Variants in SLC25A26 observed in about 807,000 individuals in gnomAD.
SLC25A26 encodes mitochondrial S-adenosylmethionine carrier protein.
In SLC25A26, 36 loss-of-function variants were observed where a neutral mutation model predicts 37.8. The observed-to-expected ratio is 0.95, with a 90% CI of 0.73 to 1.26. The LOEUF (loss-of-function observed/expected upper bound fraction) is 1.26, where lower values mean the gene tolerates loss of function less well. Among genes scored for constraint, SLC25A26 ranks in the 50% most tolerant of loss-of-function variants. The probability of loss-of-function intolerance (pLI) is 0.00; values close to 1 mark genes in which losing one functional copy is unlikely to be tolerated. For missense variants in SLC25A26, 390 were observed against 331.1 expected, an observed-to-expected ratio of 1.18 and a Z score of -1.38; for synonymous variants, 129 against 122.5, an observed-to-expected ratio of 1.05 and a Z score of -0.35.
chr3:66,262,553 CT>C (rs1389991014), intron 4 of SLC25A26, among the ~76,000 whole-genome samples: 1 of 152,158 alleles, frequency 6.6e-6, no homozygotes, highest in Non-Finnish European at 1.5e-5. Context: ...CAAAATGTAG[CT>C]TCTTTTACAG....
chr3:66,181,857 C>T (rs925264076), intron 1 of SLC25A26, among the ~76,000 whole-genome samples: 4 of 148,634 alleles, frequency 2.7e-5, no homozygotes, highest in African/African-American at 1.0e-4. Flanking sequence ...TCTTCTTTCC[C>T]TGGACCTGCG....
intron 1 of SLC25A26, 155 bp downstream of exon 1, chr3:66,221,282 G>A (rs1007838384): frequency 2.9e-6 from 1 of 348,404 alleles, no homozygotes; most frequent in African/African-American, 2.2e-5. Flanking sequence ...GAGGCTCCCA[G>A]GCCACCGGCG....
intron 1 of SLC25A26, among the ~76,000 whole-genome samples, chr3:66,187,850 CCTTAT>C (rs2070860286): frequency 6.6e-6 from 1 of 151,742 alleles, no homozygotes; most frequent in African/African-American, 2.4e-5. Context: ...TAATATTAAC[CCTTAT>C]CTTGAGAATG....
At chr3:66,301,321 T>C (rs2075069760) in intron 5 of SLC25A26, among the ~76,000 whole-genome samples, 1 of 152,222 alleles carries the variant, frequency 6.6e-6, no homozygotes, top group African/African-American at 2.4e-5. Context: ...TTATACAGAC[T>C]TTTTAAGGAA....
intron 5 of SLC25A26, among the ~76,000 whole-genome samples, chr3:66,320,622 A>G (rs1280066178): frequency 2.0e-5 from 3 of 152,162 alleles, no homozygotes; most frequent in Non-Finnish European, 4.4e-5. Context: ...TTGCTCAGTC[A>G]TAAAGGAATT....
chr3:66,150,359 A>G (rs2070181208), intron 1 of SLC25A26, among the ~76,000 whole-genome samples: 1 of 150,490 alleles, frequency 6.6e-6, no homozygotes, highest in Non-Finnish European at 1.5e-5. Context: ...TTAGCTGGGC[A>G]TGCTGGTGGG....
At chr3:66,168,286 C>A (rs1223177066) in intron 1 of SLC25A26, among the ~76,000 whole-genome samples, 5 of 149,252 alleles carry the variant, frequency 3.4e-5, no homozygotes, top group Admixed American at 6.8e-5. Flanking sequence ...CTTCAGGGAA[C>A]CACTACTTTG....
intron 5 of SLC25A26, among the ~76,000 whole-genome samples, chr3:66,285,137 A>G (rs983164194): frequency 6.6e-6 from 1 of 152,208 alleles, no homozygotes; most frequent in African/African-American, 2.4e-5. Flanking sequence ...ATTATCTATT[A>G]AACAATCCAT....
chr3:66,169,685 G>A (rs893692584), intron 1 of SLC25A26, among the ~76,000 whole-genome samples: 9 of 152,110 alleles, frequency 5.9e-5, no homozygotes, highest in African/African-American at 1.2e-4. Context: ...CTAGGCACTC[G>A]ATAAATATTT....
intron 1 of SLC25A26, among the ~76,000 whole-genome samples, chr3:66,233,196 T>C (rs36164086): frequency 0.82 from 124,813 of 152,224 alleles, 52,118 homozygotes; most frequent in Middle Eastern, 0.92. Flanking sequence ...AAAAGTTTTA[T>C]AGCATGTAAT....
At chr3:66,304,316 A>G (rs1048609677) in intron 5 of SLC25A26, 1 of 406,602 alleles carries the variant, frequency 2.5e-6, no homozygotes, top group Non-Finnish European at 4.9e-6. Context: ...GCCTCCCACA[A>G]TGCCTCTTGA....
intron 1 of SLC25A26, among the ~76,000 whole-genome samples, chr3:66,178,119 ATAG>A (rs1172729568): frequency 2.6e-5 from 4 of 152,188 alleles, no homozygotes; most frequent in African/African-American, 9.7e-5. Context: ...ACTACTCCAT[ATAG>A]TCAAGTCAGA....
intron 3 of SLC25A26, among the ~76,000 whole-genome samples, chr3:66,247,032 T>G (rs913025935): frequency 1.3e-5 from 2 of 151,856 alleles, no homozygotes; most frequent in East Asian, 3.9e-4. Context: ...CGGCTAATTT[T>G]TTTTTGTATT....
At chr3:66,196,622 GC>G (rs1304055953) in intron 1 of SLC25A26, among the ~76,000 whole-genome samples, 28 of 152,092 alleles carry the variant, frequency 1.8e-4, no homozygotes, top group African/African-American at 5.3e-4. Flanking sequence ...TTTAACTATA[GC>G]CTTAAAATAG....
chr3:66,188,296 A>G (rs975147735), intron 1 of SLC25A26, among the ~76,000 whole-genome samples: 1 of 152,204 alleles, frequency 6.6e-6, no homozygotes, highest in East Asian at 1.9e-4. Context: ...TCTGACTACA[A>G]TGATTTGAAA....
At chr3:66,233,696 T>C (rs1386273918) in intron 1 of SLC25A26, among the ~76,000 whole-genome samples, 1 of 152,174 alleles carries the variant, frequency 6.6e-6, no homozygotes, top group Non-Finnish European at 1.5e-5. Context: ...CTGTTAGCTG[T>C]TTTTCTTTTT....
intron 6 of SLC25A26, chr3:66,356,077 C>T: frequency 2.2e-6 from 1 of 456,162 alleles, no homozygotes; most frequent in South Asian, 1.5e-5. Context: ...CTAAAGAAGT[C>T]CCAAGTTGTA....
At chr3:66,314,253 G>T (rs1327595855) in intron 5 of SLC25A26, among the ~76,000 whole-genome samples, 3 of 152,098 alleles carry the variant, frequency 2.0e-5, no homozygotes, top group Admixed American at 1.3e-4. Context: ...CGGGCTGTGG[G>T]TTTGTCCTGT....
At chr3:66,244,894 A>G (rs1044558681) in intron 3 of SLC25A26, among the ~76,000 whole-genome samples, 12 of 151,954 alleles carry the variant, frequency 7.9e-5, no homozygotes, top group Admixed American at 5.9e-4. Flanking sequence ...GGAGAATGGC[A>G]TGAACCCGGG....
Sources: allele counts gnomAD v4.1 joint callset (sites outside exome capture counted in the v4.1 genomes callset), GRCh38; gene constraint gnomAD v4.1.1; transcripts MANE v1.5; gene names NCBI Gene and HGNC (gene_info 2026-07-23, HGNC 2026-07-21).